Variants in KIZ observed in about 807,000 individuals in gnomAD.
KIZ encodes the protein centrosomal protein kizuna.
KIZ carries 68 observed loss-of-function variants against 79.6 expected under a neutral mutation model. The ratio of observed to expected loss-of-function variants is 0.85; its 90% CI spans 0.70 to 1.05. The LOEUF is 1.05. Among genes scored for constraint, KIZ ranks in the 50% least tolerant of loss-of-function variants. The pLI is 0.00. For missense variants in KIZ, 797 were observed against 800.4 expected (o/e 1.00, Z 0.05); for synonymous variants, 280 against 281.8 (o/e 0.99, Z 0.06).
intron 1 of KIZ, among the ~76,000 whole-genome samples, chr20:21,127,768 A>G (rs1428067017): frequency 6.6e-6 from 1 of 152,242 alleles, no homozygotes; most frequent in Non-Finnish European, 1.5e-5. Context: ...ATTCTAGTCC[A>G]CGAACAATTG....
intron 6 of KIZ, chr20:21,197,322 A>T (rs2035383118): frequency 6.6e-6 from 1 of 152,254 alleles, no homozygotes; most frequent in African/African-American, 2.4e-5. Flanking sequence ...TCTGATTAAG[A>T]ATAAAGAAAA....
At chr20:21,220,830 G>T (rs1042794209) in intron 9 of KIZ, among the ~76,000 whole-genome samples, 1 of 152,212 alleles carries the variant, frequency 6.6e-6, no homozygotes. Context: ...AGGATGTCCG[G>T]ATCAATTAAA....
chr20:21,233,083 G>A (rs1354454142), intron 11 of KIZ, among the ~76,000 whole-genome samples: 4 of 152,200 alleles, frequency 2.6e-5, no homozygotes, highest in African/African-American at 9.7e-5. Flanking sequence ...CCACAAATTA[G>A]CGTCTACAGC....
chr20:21,212,107 A>T (rs866151322), intron 7 of KIZ, among the ~76,000 whole-genome samples: 1 of 152,168 alleles, frequency 6.6e-6, no homozygotes, highest in Non-Finnish European at 1.5e-5. Context: ...GTTGTTTTTG[A>T]CTAGAAATCT....
chr20:21,244,931 T>A (rs45517536), intron 12 of KIZ: 1,689 of 152,594 alleles, frequency 0.011, 14 homozygotes, highest in Non-Finnish European at 0.016. Context: ...CTCTGTACCT[T>A]TGCCCATGTT....
At chr20:21,150,753 A>G (rs2033078886) in intron 4 of KIZ, 1 of 152,178 alleles carries the variant, frequency 6.6e-6, no homozygotes, top group Non-Finnish European at 1.5e-5. Context: ...CTCACTTGAC[A>G]GTAAGCTTCC....
chr20:21,237,468 GACCC>G (rs2037056513), intron 11 of KIZ, among the ~76,000 whole-genome samples: 1 of 152,052 alleles, frequency 6.6e-6, no homozygotes, highest in African/African-American at 2.4e-5. Flanking sequence ...CCTCTCAGGA[GACCC>G]TTGTTGCCTG....
chr20:21,228,599 C>A (rs982490049), intron 9 of KIZ, among the ~76,000 whole-genome samples: 2 of 152,160 alleles, frequency 1.3e-5, no homozygotes, highest in African/African-American at 4.8e-5. Flanking sequence ...GTCCCAGAGC[C>A]CCTGCACTTG....
chr20:21,129,749 GTA>G (rs758062741), intron 1 of KIZ, among the ~76,000 whole-genome samples: 6 of 150,230 alleles, frequency 4.0e-5, no homozygotes, highest in Admixed American at 2.0e-4. Flanking sequence ...AAAAATGTGT[GTA>G]TATATATATA....
In KIZ at chr20:21,214,746, GTCA is replaced by G. The variant is rs750423913; in HGVS notation, c.1612+55_1612+57del. ...TGTCCACAGCAAAAAGGCATTCAGG[GTCA>G]TCATCATCTTTCTCAAGGTACACCT... On this transcript the variant is annotated intron_variant, in intron 8 of 12. Coordinates refer to ENST00000619189, the MANE Select transcript of KIZ (RefSeq NM_018474.6). 9.4e-6 allele frequency: 12 copies of G among 1,282,476 alleles called. No homozygotes were observed. The South Asian group carries it at 9.9e-5, about 11-fold the overall frequency. 79.4% of individuals were successfully genotyped at this position (1,282,476 alleles called of 1,614,324 possible).
Position 21,150,479 on chromosome 20 carries a change from G to A in KIZ, c.405+4825G>A, listed in dbSNP as rs530583133. ...CTGAGCAGTTGCCTTCACGGGGAAC[G>A]TGGCCCTCGGTTCTGCCATTCTCAA... On this transcript the variant is annotated intron_variant, in intron 4 of 12. Coordinates refer to ENST00000619189, the MANE Select transcript of KIZ (RefSeq NM_018474.6). Among the ~76,000 whole-genome samples the A allele has an allele frequency of 7.2e-5, 11 of 152,360 alleles. No homozygotes were observed. In the South Asian group the frequency reaches 8.3e-4, roughly 11 times the overall value.
intron 2 of KIZ, chr20:21,132,972 ACTATT>A (rs1370978724): frequency 2.0e-5 from 3 of 152,224 alleles, no homozygotes; most frequent in East Asian, 1.9e-4. Flanking sequence ...TTCTTCCTCC[ACTATT>A]AAGAGCAGAT....
intron 7 of KIZ, among the ~76,000 whole-genome samples, 193 bp downstream of exon 7, chr20:21,205,777 A>G (rs545929710): frequency 6.6e-6 from 1 of 152,212 alleles, no homozygotes; most frequent in South Asian, 2.1e-4. Context: ...TCTGGCCAAC[A>G]TGATGAAACC....
At chr20:21,175,490 T>G (rs1468682037) in intron 6 of KIZ, among the ~76,000 whole-genome samples, 1 of 152,118 alleles carries the variant, frequency 6.6e-6, no homozygotes, top group Non-Finnish European at 1.5e-5. Flanking sequence ...GATTCTAGCC[T>G]CAGTCAGAAG....
intron 11 of KIZ, among the ~76,000 whole-genome samples, chr20:21,234,774 A>G (rs2036950070): frequency 7.9e-6 from 1 of 126,226 alleles, no homozygotes; most frequent in South Asian, 2.4e-4. Flanking sequence ...CACTGGACCT[A>G]AAAAAAAAAA....
chr20:21,129,743 A>ATG (rs945902854), intron 1 of KIZ, among the ~76,000 whole-genome samples: 5 of 151,770 alleles, frequency 3.3e-5, no homozygotes, highest in Middle Eastern at 3.4e-3. Context: ...AAAAAAAAAA[A>ATG]TGTGTGTATA....
intron 9 of KIZ, among the ~76,000 whole-genome samples, chr20:21,227,332 G>T (rs1043884493): frequency 1.6e-4 from 25 of 152,310 alleles, no homozygotes; most frequent in East Asian, 9.6e-4. Context: ...ATGGAGAAAT[G>T]AATTTGCAGC....
intron 4 of KIZ, among the ~76,000 whole-genome samples, chr20:21,148,321 G>A (rs978325571): frequency 2.0e-5 from 3 of 152,208 alleles, no homozygotes; most frequent in African/African-American, 7.2e-5. Flanking sequence ...ATCAAGTGGT[G>A]TGTGTCCATT....
intron 6 of KIZ, among the ~76,000 whole-genome samples, chr20:21,177,174 C>G (rs997705828): frequency 6.6e-6 from 1 of 152,004 alleles, no homozygotes; most frequent in Non-Finnish European, 1.5e-5. Flanking sequence ...TGAGGAATCT[C>G]TGTACTGTTT....
Sources: gnomAD v4.1 joint callset for allele counts (sites outside exome capture counted in the v4.1 genomes callset) on GRCh38, gnomAD v4.1.1 for gene constraint, MANE v1.5 for transcripts, NCBI Gene and HGNC (gene_info 2026-07-23, HGNC 2026-07-21) for gene names.